Variants in ROBO2 observed in about 807,000 individuals in gnomAD.
The protein encoded by ROBO2 is roundabout homolog 2.
In ROBO2, 53 loss-of-function variants were observed where a neutral mutation model predicts 160.8. The observed-to-expected ratio is 0.33, with a 90% CI of 0.26 to 0.41. The LOEUF (loss-of-function observed/expected upper bound fraction) is 0.41. ROBO2 is among the 10% of genes least tolerant of loss of function. The pLI, the probability that ROBO2 is intolerant of heterozygous loss-of-function variation, is 1.00. For missense variants in ROBO2, 1,577 were observed against 1,722.4 expected (o/e 0.92, Z 1.49); for synonymous variants, 664 against 611.7 (o/e 1.09, Z -1.26).
chr3:76,620,634 A>G (rs2088990946), intron 2 of ROBO2, among the ~76,000 whole-genome samples: 1 of 152,170 alleles, frequency 6.6e-6, no homozygotes, highest in Non-Finnish European at 1.5e-5. Context: ...CTCGGTCACC[A>G]ATAGATACAA....
intron 2 of ROBO2, chr3:77,317,193 G>A (rs558616277): frequency 2.3e-6 from 2 of 860,026 alleles, no homozygotes; most frequent in Admixed American, 1.7e-5. Flanking sequence ...GAGCACCCCG[G>A]ATGGAAGGCC....
chr3:77,068,221 T>C (rs115899333), intron 1 of ROBO2, among the ~76,000 whole-genome samples: 2,812 of 152,282 alleles, frequency 0.018, 45 homozygotes, highest in Non-Finnish European at 0.029. Context: ...TTTGGTTTAA[T>C]ATTTACATCA....
chr3:76,936,477 G>GA (rs2077708311), intron 2 of ROBO2, among the ~76,000 whole-genome samples: 1 of 152,004 alleles, frequency 6.6e-6, no homozygotes, highest in African/African-American at 2.4e-5. Flanking sequence ...GGCAGTAAAT[G>GA]AAAATGTAAG....
intron 2 of ROBO2, among the ~76,000 whole-genome samples, chr3:76,538,765 AGTGTCTTTT>A (rs1364363490): frequency 1.3e-5 from 2 of 152,136 alleles, no homozygotes; most frequent in African/African-American, 4.8e-5. Context: ...AGTGATCCAG[AGTGTCTTTT>A]GTTCCCACCT....
intron 2 of ROBO2, among the ~76,000 whole-genome samples, chr3:77,286,255 GC>G (rs1476163410): frequency 7.5e-6 from 1 of 133,180 alleles, no homozygotes; most frequent in Non-Finnish European, 1.6e-5. Context: ...AAATTATGGA[GC>G]TTTTTTTTTT....
In ROBO2 at chr3:77,483,735, AT is replaced by A. The variant is rs1209329975; in HGVS notation, c.667+2517del. On this transcript the variant is annotated intron_variant, in intron 4 of 25. Coordinates refer to ENST00000461745, the Ensembl canonical transcript of ROBO2. ...TTATTATTATAAATATGATGTAAAT[AT>A]ATTATATTTTATTGATACCTATTAT... 1.3e-4 allele frequency among the ~76,000 whole-genome samples: 19 copies of A among 147,884 alleles called. No homozygotes were observed. The South Asian group carries it at 3.8e-3, about 29-fold the overall frequency.
intron 2 of ROBO2, among the ~76,000 whole-genome samples, chr3:76,286,992 G>A (rs1040535690): frequency 1.3e-5 from 2 of 152,064 alleles, no homozygotes; most frequent in African/African-American, 4.8e-5. Flanking sequence ...GTTCCAAATG[G>A]ACATTACTGT....
At chr3:77,462,461 CA>C (rs773483823) in intron 2 of ROBO2, among the ~76,000 whole-genome samples, 5 of 152,218 alleles carry the variant, frequency 3.3e-5, no homozygotes, top group South Asian at 2.1e-4. Context: ...TAGCATCCTA[CA>C]GATATTTTAT....
chr3:76,138,377 G>A (rs1216711281), intron 2 of ROBO2, among the ~76,000 whole-genome samples: 5 of 151,872 alleles, frequency 3.3e-5, no homozygotes, highest in Admixed American at 1.3e-4. Flanking sequence ...ATATTGTATC[G>A]ATATAGATTC....
rs576048521 is a variant in ROBO2 at position 77,283,900 on chromosome 3, A to T, written c.388+185560A>T. Among the ~76,000 whole-genome samples the T allele has an allele frequency of 2.0e-5, 3 of 152,308 alleles. No homozygotes were observed. In the South Asian group the frequency reaches 6.2e-4, roughly 32 times the overall value. ...AGCTAGTTAAGATGAATCAGAGCTA[A>T]TCTAAATGCATCTTGGATCAGATTA... is the stretch of plus-strand genomic sequence containing the variant. On this transcript the variant is annotated intron_variant, in intron 2 of 25. Transcript: ENST00000461745.
At chr3:77,506,799 G>A (rs2088598215) in intron 5 of ROBO2, among the ~76,000 whole-genome samples, 1 of 151,890 alleles carries the variant, frequency 6.6e-6, no homozygotes, top group Admixed American at 6.6e-5. Context: ...TAATGTTAGG[G>A]CAAAAATAAT....
intron 2 of ROBO2, among the ~76,000 whole-genome samples, chr3:76,917,576 G>A (rs1245762669): frequency 1.3e-5 from 2 of 152,148 alleles, no homozygotes; most frequent in Admixed American, 6.5e-5. Flanking sequence ...AGAGAAGAGC[G>A]CAGTTTGTTT....
chr3:76,132,396 G>GGA (rs1553653736), intron 2 of ROBO2, among the ~76,000 whole-genome samples: 1 of 91,792 alleles, frequency 1.1e-5, no homozygotes, highest in Non-Finnish European at 1.8e-5. Context: ...CAGACTGTTG[G>GGA]GGGGGGGGGG....
chr3:77,649,321 G>A (rs1479013398), exon 26 of ROBO2: 1 of 152,134 alleles, frequency 6.6e-6, no homozygotes, highest in Non-Finnish European at 1.5e-5. Flanking sequence ...CAGGATTTGA[G>A]TTGAAAGTTT....
Position 77,383,894 on chromosome 3 carries a change from G to A in ROBO2, c.389-93520G>A, listed in dbSNP as rs577852336. ...CTTGCAAAGATGATCTCAAATAAAC[G>A]GCTTCAAAAATAGGACATTAACTGT... is the stretch of plus-strand genomic sequence containing the variant. On this transcript the variant is annotated intron_variant, in intron 2 of 25. Transcript: ENST00000461745. Among the ~76,000 whole-genome samples, 5 of 152,026 alleles carry A rather than the reference G, an allele frequency of 3.3e-5. No homozygotes were observed. The South Asian group carries it at 6.2e-4, about 19-fold the overall frequency.
chr3:77,053,255 G>T (rs748879315), intron 1 of ROBO2, among the ~76,000 whole-genome samples: 13 of 152,156 alleles, frequency 8.5e-5, no homozygotes, highest in Non-Finnish European at 1.8e-4. Context: ...CATTAAGCAG[G>T]CTGTTAATAT....
At chr3:76,450,549 C>T (rs982652580) in intron 2 of ROBO2, among the ~76,000 whole-genome samples, 4 of 152,144 alleles carry the variant, frequency 2.6e-5, no homozygotes, top group Admixed American at 2.6e-4. Context: ...CTCCTGCACT[C>T]AAGTGATGCT....
At position 76,086,241 on chromosome 3, in the gene ROBO2, C is replaced by T. The variant is rs143697431; in HGVS notation, c.109+148639C>T. 3.1e-4 allele frequency among the ~76,000 whole-genome samples: 47 copies of T among 152,174 alleles called. No homozygotes were observed. The East Asian group carries it at 7.2e-3, about 23-fold the overall frequency. Reference sequence around the variant, plus strand: ...ATGTGGTGGCAGCAAGAAGTGAAAGCGAAGCGGAGGAAAAGCCCCTTATAA... The same window carrying T: ...ATGTGGTGGCAGCAAGAAGTGAAAGTGAAGCGGAGGAAAAGCCCCTTATAA... On this transcript the variant is annotated intron_variant, in intron 2 of 26. Transcript: ENST00000487694.
chr3:76,442,327 A>G lies in ROBO2; in HGVS notation c.109+504725A>G, dbSNP rs1056791118. Among the ~76,000 whole-genome samples the G allele has an allele frequency of 2.6e-5, 4 of 152,268 alleles. No individual in the cohort carries two copies. In the South Asian group the frequency reaches 8.3e-4, roughly 32 times the overall value. ...CTAATTTAATCCTAATTTAATCAGG[A>G]TGCTCTCAAGGGTGTGTCCAGTAAA... On this transcript the variant is annotated intron_variant, in intron 2 of 26. Coordinates refer to the ROBO2 transcript ENST00000487694.
Sources: gnomAD v4.1 joint callset for allele counts (sites outside exome capture counted in the v4.1 genomes callset) on GRCh38, gnomAD v4.1.1 for gene constraint, MANE v1.5 for transcripts, NCBI Gene and HGNC (gene_info 2026-07-23, HGNC 2026-07-21) for gene names.